The following RIPOR2 variants were observed in gnomAD, a reference collection of about 807,000 sequenced individuals.
The protein encoded by RIPOR2 is rho family-interacting cell polarization regulator 2.
Under a neutral mutation model 114.5 loss-of-function variants are expected in RIPOR2, and 39 were observed. The ratio of observed to expected loss-of-function variants is 0.34; its 90% CI spans 0.26 to 0.44. RIPOR2 has a LOEUF of 0.44. Ranked by LOEUF, RIPOR2 falls within the 20% of genes least tolerant of loss-of-function variation. The pLI is 1.00. For missense variants in RIPOR2, 1,007 were observed against 1,255.1 expected, an observed-to-expected ratio of 0.80 and a Z score of 2.99; for synonymous variants, 445 against 484.4, an observed-to-expected ratio of 0.92 and a Z score of 1.07.
chr6:25,019,610 TA>T (rs1333564428), intron 1 of RIPOR2, among the ~76,000 whole-genome samples: 1 of 149,248 alleles, frequency 6.7e-6, no homozygotes, highest in East Asian at 1.9e-4. Context: ...CCCTCTCTAC[TA>T]AAAATACAAA....
rs184905289 is a variant in RIPOR2, at chr6:25,037,801, C to T, written c.76+4050G>A. On this transcript the variant is annotated intron_variant, in intron 1 of 13. Coordinates refer to the RIPOR2 transcript ENST00000510784. The surrounding 1 kb of genome is among the most constrained non-coding windows in gnomAD (Gnocchi z 4.5). ...GAGTTTAATTTTGATGGAACCCAAACGGTTATTGAGTAGATGAGGTACCAG... is the reference window on the plus strand; with the variant it reads ...GAGTTTAATTTTGATGGAACCCAAATGGTTATTGAGTAGATGAGGTACCAG... Among the ~76,000 whole-genome samples, 444 of 151,780 alleles carry T rather than the reference C, an allele frequency of 2.9e-3. 6 individuals carry two copies. Among genetic ancestry groups the T allele is most frequent in the Admixed American group, 0.027 (420 of 15,274 alleles).
At chr6:24,830,488 C>G (rs778928365) in intron 17 of RIPOR2, 21 bp downstream of exon 17, 6 of 1,530,706 alleles carry the variant, frequency 3.9e-6, no homozygotes, top group South Asian at 1.2e-5. Flanking sequence ...CAGAAATTCT[C>G]TCTCTACTGC....
chr6:24,823,514 T>C (rs2113657762), intron 19 of RIPOR2, among the ~76,000 whole-genome samples: 1 of 152,332 alleles, frequency 6.6e-6, no homozygotes, highest in South Asian at 2.1e-4. Flanking sequence ...TACTGGAAAC[T>C]CTTCAAGGGT....
chr6:24,811,663 T>TACATTCTAGCTCTC (rs1562212352), intron 20 of RIPOR2, among the ~76,000 whole-genome samples: 2 of 48,726 alleles, frequency 4.1e-5, no homozygotes, highest in African/African-American at 6.8e-5. Flanking sequence ...AGTACTTTTT[T>TACATTCTAGCTCTC]TTTTTTTTTT....
intron 1 of RIPOR2, among the ~76,000 whole-genome samples, chr6:24,896,900 T>C (rs758114195): frequency 2.6e-5 from 4 of 152,166 alleles, no homozygotes; most frequent in Non-Finnish European, 1.5e-5. Context: ...AGACTCCATC[T>C]CAAAATAAAT....
At chr6:24,837,146 G>A (rs371934524) in intron 14 of RIPOR2, among the ~76,000 whole-genome samples, 25 of 151,892 alleles carry the variant, frequency 1.6e-4, no homozygotes, top group African/African-American at 4.3e-4. Context: ...TTTTTGAGAC[G>A]GAGTCTCGCA....
intron 1 of RIPOR2, among the ~76,000 whole-genome samples, chr6:24,902,463 C>T (rs747849941): frequency 2.3e-4 from 35 of 152,158 alleles, no homozygotes; most frequent in African/African-American, 6.8e-4. Context: ...GCGATCCACT[C>T]GCCTCAGCCT....
At chr6:24,999,291 T>TCACA in intron 1 of RIPOR2, among the ~76,000 whole-genome samples, 1 of 152,250 alleles carries the variant, frequency 6.6e-6, no homozygotes, top group Non-Finnish European at 1.5e-5. Context: ...AACATACAAA[T>TCACA]CACACACCTG....
At chr6:25,021,899 C>T (rs1776341780) in intron 1 of RIPOR2, among the ~76,000 whole-genome samples, 1 of 152,114 alleles carries the variant, frequency 6.6e-6, no homozygotes, top group Non-Finnish European at 1.5e-5. Context: ...AGTGAGAGAC[C>T]AGATTGAAAT....
At chr6:24,958,995 A>G (rs544303619) in intron 1 of RIPOR2, among the ~76,000 whole-genome samples, 2 of 123,042 alleles carry the variant, frequency 1.6e-5, no homozygotes, top group Non-Finnish European at 3.3e-5. Context: ...CCTGTCGCCC[A>G]GGCTGGAGTG....
chr6:24,809,371 A>C (rs4509111), intron 21 of RIPOR2, among the ~76,000 whole-genome samples: 3 of 152,008 alleles, frequency 2.0e-5, no homozygotes, highest in Non-Finnish European at 4.4e-5. Flanking sequence ...CCTCCAGGGA[A>C]TGTCAACCCC....
chr6:24,893,999 G>A (rs1025984196), intron 1 of RIPOR2, among the ~76,000 whole-genome samples: 11 of 152,130 alleles, frequency 7.2e-5, no homozygotes, highest in African/African-American at 2.4e-4. Context: ...TTAGGTGTTC[G>A]AACCAACTGC....
chr6:25,039,158 A>G (rs1777370328), intron 1 of RIPOR2, among the ~76,000 whole-genome samples: 1 of 152,260 alleles, frequency 6.6e-6, no homozygotes, highest in Admixed American at 6.5e-5. Context: ...CTTCAGAGAA[A>G]GAAGACAGGA....
intron 1 of RIPOR2, among the ~76,000 whole-genome samples, chr6:24,893,486 C>A (rs1328739978): frequency 1.3e-5 from 2 of 152,164 alleles, no homozygotes; most frequent in African/African-American, 4.8e-5. Flanking sequence ...GGTCTCTGTG[C>A]AGATAAAGAT....
intron 10 of RIPOR2, 118 bp from the exon 11 acceptor site, chr6:24,850,068 A>T: frequency 1.3e-6 from 1 of 791,848 alleles, no homozygotes. Context: ...CATATCTGAA[A>T]TCAGAAGCGG....
rs574852546 is a variant in RIPOR2 at position 24,897,253 on chromosome 6, C to T, written c.62-21436G>A. 2.2e-4 allele frequency among the ~76,000 whole-genome samples: 34 copies of T among 152,184 alleles called. No homozygotes were observed. In the East Asian group the frequency reaches 6.6e-3, roughly 29 times the overall value. On this transcript the variant is annotated intron_variant, in intron 1 of 21. Transcript: ENST00000643898. The stretch of plus-strand genomic sequence containing the variant: ...TTCACTTAAGAGTGTATTTCGATTC[C>T]TAGGAGGGCCAGAATTTTTTTCTGT...
At chr6:24,956,138 A>G (rs1031269924) in intron 1 of RIPOR2, among the ~76,000 whole-genome samples, 1 of 152,204 alleles carries the variant, frequency 6.6e-6, no homozygotes, top group African/African-American at 2.4e-5. Context: ...AAACATTAAG[A>G]GACAATTACT....
At chr6:24,821,182 CTG>C (rs1360192773) in intron 19 of RIPOR2, among the ~76,000 whole-genome samples, 1 of 104,934 alleles carries the variant, frequency 9.5e-6, no homozygotes, top group African/African-American at 3.6e-5. Flanking sequence ...CAGTTTAACA[CTG>C]TTTTTTTTTT....
chr6:24,870,118 C>T (rs965818383), intron 5 of RIPOR2, among the ~76,000 whole-genome samples: 1 of 152,104 alleles, frequency 6.6e-6, no homozygotes, highest in Non-Finnish European at 1.5e-5. Flanking sequence ...TTCTTGATAA[C>T]TATAAAATGC....
Sources: allele counts gnomAD v4.1 joint callset (sites outside exome capture counted in the v4.1 genomes callset), GRCh38; gene constraint gnomAD v4.1.1; non-coding constraint Gnocchi (gnomAD v3.1); transcripts MANE v1.5; gene names NCBI Gene and HGNC (gene_info 2026-07-23, HGNC 2026-07-21).